PPP1R1C: variants seen among roughly 807,000 people sequenced by gnomAD.
PPP1R1C encodes protein phosphatase 1 regulatory subunit 1C.
Under a neutral mutation model 17.4 loss-of-function variants are expected in PPP1R1C, and 15 were observed. The observed-to-expected ratio is 0.86, with a 90% CI of 0.58 to 1.33. The LOEUF (loss-of-function observed/expected upper bound fraction) is 1.33. Ranked by LOEUF, PPP1R1C falls within the 40% of genes most tolerant of loss-of-function variation. The pLI, the probability that PPP1R1C is intolerant of heterozygous loss-of-function variation, is 0.00. For missense variants in PPP1R1C, 143 were observed against 130.0 expected (o/e 1.10, Z -0.48); for synonymous variants, 35 against 43.1 (o/e 0.81, Z 0.73).
chr2:182,130,026 T>C (rs1382892965), downstream of PPP1R1C: 2 of 152,160 alleles, frequency 1.3e-5, no homozygotes, highest in East Asian at 3.8e-4. Flanking sequence ...AAATGTTTCC[T>C]ATGTCTAAAT....
At chr2:181,972,040 T>G (rs1319117894) in intron 1 of PPP1R1C, among the ~76,000 whole-genome samples, 6 of 152,224 alleles carry the variant, frequency 3.9e-5, no homozygotes, top group Admixed American at 3.9e-4. Context: ...TTGTGATTGC[T>G]CACATGATTT....
At chr2:182,061,808 A>C (rs1229274410) in intron 3 of PPP1R1C, among the ~76,000 whole-genome samples, 1 of 152,082 alleles carries the variant, frequency 6.6e-6, no homozygotes, top group Non-Finnish European at 1.5e-5. Flanking sequence ...ACCCCAGAGC[A>C]AGGAGATGGG....
At chr2:182,028,295 T>G (rs1313028492) in intron 2 of PPP1R1C, among the ~76,000 whole-genome samples, 1 of 138,028 alleles carries the variant, frequency 7.2e-6, no homozygotes. Context: ...TTCTTTTAAT[T>G]GTGATGTTAG....
intron 2 of PPP1R1C, among the ~76,000 whole-genome samples, chr2:182,059,587 C>G (rs1020736479): frequency 6.6e-6 from 1 of 152,042 alleles, no homozygotes; most frequent in Non-Finnish European, 1.5e-5. Context: ...GTACCTTTGT[C>G]TGAGTCAATT....
chr2:182,089,615 T>C (rs1688725222), intron 4 of PPP1R1C, among the ~76,000 whole-genome samples: 3 of 152,190 alleles, frequency 2.0e-5, no homozygotes, highest in South Asian at 2.1e-4. Flanking sequence ...GTATAGATAT[T>C]TCCATAGCTA....
upstream of PPP1R1C, among the ~76,000 whole-genome samples, chr2:181,983,149 C>G (rs1685223939): frequency 6.6e-6 from 1 of 152,180 alleles, no homozygotes; most frequent in Non-Finnish European, 1.5e-5. Context: ...CCTCTAACCA[C>G]TGCGGAGATT....
chr2:181,956,058 C>T (rs1684665102), intron 1 of PPP1R1C, among the ~76,000 whole-genome samples: 2 of 152,282 alleles, frequency 1.3e-5, no homozygotes, highest in Middle Eastern at 3.4e-3. Flanking sequence ...CGCCGCCACC[C>T]CTGCCCACAG....
rs1045950685 is a variant in PPP1R1C at position 181,988,004 on chromosome 2, T to A, written c.142+105T>A. ...AAAGTTTCAATTTAGGATTTCACAG[T>A]TAGCAATACTCTAGAAAGCTAATCT... On this transcript the variant is annotated intron_variant, in intron 2 of 4. Transcript: ENST00000682840. The A allele has an allele frequency of 2.9e-5, 24 of 818,210 alleles. No individual in the cohort carries two copies. In the African/African-American group the frequency reaches 4.2e-4, roughly 14 times the overall value. 50.7% of individuals were successfully genotyped at this position (818,210 alleles called of 1,614,324 possible).
chr2:182,035,660 C>T (rs970687519), intron 2 of PPP1R1C, among the ~76,000 whole-genome samples: 6 of 152,080 alleles, frequency 3.9e-5, no homozygotes, highest in South Asian at 2.1e-4. Flanking sequence ...CCTCCCCCTT[C>T]GCTCTCTCTC....
intron 4 of PPP1R1C, among the ~76,000 whole-genome samples, chr2:182,072,550 T>C (rs1311415526): frequency 1.1e-4 from 16 of 152,220 alleles, no homozygotes; most frequent in Admixed American, 1.0e-3. Context: ...TTAAGTGTCC[T>C]TCCCCTTTAC....
chr2:182,000,030 T>TAA (rs1685715811), intron 2 of PPP1R1C, among the ~76,000 whole-genome samples: 4 of 152,192 alleles, frequency 2.6e-5, no homozygotes, highest in Non-Finnish European at 4.4e-5. Context: ...TAGTTCTTCT[T>TAA]GTCCTGTGAG....
chr2:182,092,382 T>C (rs1688806939), intron 4 of PPP1R1C, among the ~76,000 whole-genome samples: 1 of 152,152 alleles, frequency 6.6e-6, no homozygotes, highest in South Asian at 2.1e-4. Context: ...TTATGGGAGA[T>C]ACAAGATGAG....
At chr2:182,060,788 C>A (rs767498915) in intron 2 of PPP1R1C, among the ~76,000 whole-genome samples, 7 of 152,050 alleles carry the variant, frequency 4.6e-5, no homozygotes, top group Admixed American at 1.3e-4. Flanking sequence ...AGAGGCCATA[C>A]AATGTAGGTG....
At position 181,961,398 on chromosome 2, in the gene PPP1R1C, C is replaced by A. The variant is rs1684791827; in HGVS notation, n.111+6764C>A. On this transcript the variant is annotated intron_variant and non_coding_transcript_variant, in intron 1 of 5. Coordinates refer to the PPP1R1C transcript ENST00000464264. The surrounding 1 kb of genome is among the most constrained non-coding windows in gnomAD (Gnocchi z 5.8). ...TGATGTTCAGCAGAGCCTCGTACTC[C>A]CCGATCTGGTGCTGTCCCTCTGCCC... 1.1e-5 allele frequency: 8 copies of A among 724,332 alleles called. No homozygotes were observed. Among genetic ancestry groups the A allele is most frequent in the Admixed American group, 2.0e-5 (1 of 50,086 alleles). 44.9% of individuals were successfully genotyped at this position (724,332 alleles called of 1,614,324 possible).
intron 4 of PPP1R1C, among the ~76,000 whole-genome samples, chr2:182,067,357 C>A (rs972279653): frequency 6.6e-6 from 1 of 151,282 alleles, no homozygotes; most frequent in Admixed American, 6.6e-5. Flanking sequence ...TTTTTCAACC[C>A]CTTCTCATAA....
chr2:182,081,792 A>C (rs1688486817), intron 4 of PPP1R1C, among the ~76,000 whole-genome samples: 1 of 152,194 alleles, frequency 6.6e-6, no homozygotes, highest in African/African-American at 2.4e-5. Flanking sequence ...CATCACGTAC[A>C]CCTCATATCC....
intron 2 of PPP1R1C, among the ~76,000 whole-genome samples, chr2:182,031,928 C>T (rs1266168662): frequency 2.0e-5 from 3 of 152,102 alleles, no homozygotes; most frequent in East Asian, 1.9e-4. Flanking sequence ...TTCCACATTC[C>T]AGATCATAGC....
chr2:182,017,184 C>T (rs918189141), intron 2 of PPP1R1C, among the ~76,000 whole-genome samples: 1 of 152,046 alleles, frequency 6.6e-6, no homozygotes, highest in Non-Finnish European at 1.5e-5. Context: ...ATTAAGTATA[C>T]ATTTAGCAAT....
intron 5 of PPP1R1C, among the ~76,000 whole-genome samples, chr2:182,123,747 A>G (rs1294518453): frequency 6.6e-6 from 1 of 152,086 alleles, no homozygotes; most frequent in Non-Finnish European, 1.5e-5. Context: ...TAGATTCTGG[A>G]TATTAGCCCT....
Sources: allele counts gnomAD v4.1 joint callset (sites outside exome capture counted in the v4.1 genomes callset), GRCh38; gene constraint gnomAD v4.1.1; non-coding constraint Gnocchi (gnomAD v3.1); transcripts MANE v1.5; gene names NCBI Gene and HGNC (gene_info 2026-07-23, HGNC 2026-07-21).